RALYL: variants seen among roughly 807,000 people sequenced by gnomAD.
RALYL encodes the protein RNA-binding Raly-like protein.
In RALYL, 29 loss-of-function variants were observed where a neutral mutation model predicts 35.1. That is an observed-to-expected ratio of 0.83 (90% CI 0.61 to 1.13). The LOEUF is 1.13. Ranked by LOEUF, RALYL falls within the 50% of genes most tolerant of loss-of-function variation. The pLI is 0.00. For missense variants in RALYL, 359 were observed against 360.4 expected (o/e 1.00, Z 0.03); for synonymous variants, 120 against 127.6 (o/e 0.94, Z 0.40).
At chr8:84,836,564 G>C (rs1046850716) in intron 4 of RALYL, among the ~76,000 whole-genome samples, 1 of 152,288 alleles carries the variant, frequency 6.6e-6, no homozygotes, top group South Asian at 2.1e-4. Context: ...GTGTGCATAC[G>C]TATTGGTGAC....
intron 1 of RALYL, among the ~76,000 whole-genome samples, chr8:84,261,211 C>A (rs28378543): frequency 6.6e-6 from 1 of 151,622 alleles, no homozygotes; most frequent in African/African-American, 2.4e-5. Flanking sequence ...TATAAATTAT[C>A]TCAGCAAAAT....
chr8:84,556,071 A>T (rs2061095947), intron 2 of RALYL, among the ~76,000 whole-genome samples: 1 of 152,242 alleles, frequency 6.6e-6, no homozygotes, highest in Non-Finnish European at 1.5e-5. Flanking sequence ...TATCATGTAC[A>T]TTTGCAGGAA....
intron 1 of RALYL, among the ~76,000 whole-genome samples, chr8:84,382,253 T>C: frequency 6.7e-6 from 1 of 149,870 alleles, no homozygotes; most frequent in Non-Finnish European, 1.5e-5. Context: ...AAAACTGCAG[T>C]GAGGTTCTTT....
intron 1 of RALYL, among the ~76,000 whole-genome samples, chr8:84,509,190 A>G (rs2057408164): frequency 1.3e-5 from 2 of 152,192 alleles, no homozygotes; most frequent in Non-Finnish European, 2.9e-5. Context: ...TCTTTGATGT[A>G]TAGACCACTT....
intron 7 of RALYL, among the ~76,000 whole-genome samples, chr8:84,876,520 C>T (rs770822213): frequency 7.9e-5 from 12 of 151,786 alleles, no homozygotes; most frequent in Non-Finnish European, 1.3e-4. Flanking sequence ...ACATGCTTTA[C>T]GCAAAGATGT....
At chr8:84,278,223 G>T (rs1835802192) in intron 1 of RALYL, among the ~76,000 whole-genome samples, 1 of 152,212 alleles carries the variant, frequency 6.6e-6, no homozygotes, top group Admixed American at 6.5e-5. Context: ...GTAAACCAGG[G>T]CTTGGGGCTT....
chr8:84,739,485 T>G (rs1847896539), intron 2 of RALYL, among the ~76,000 whole-genome samples: 1 of 151,890 alleles, frequency 6.6e-6, no homozygotes, highest in Non-Finnish European at 1.5e-5. Context: ...GGATAAATGG[T>G]TCCACCTACA....
chr8:84,512,563 T>C (rs1587886811), intron 1 of RALYL, among the ~76,000 whole-genome samples: 1 of 152,292 alleles, frequency 6.6e-6, no homozygotes, highest in East Asian at 1.9e-4. Context: ...AGTTTTGTTT[T>C]TGTTGCCTGT....
intron 7 of RALYL, among the ~76,000 whole-genome samples, chr8:84,873,862 A>T (rs922147093): frequency 4.6e-5 from 7 of 152,192 alleles, no homozygotes; most frequent in African/African-American, 1.7e-4. Context: ...AAGTTCAGGA[A>T]CATCAAGACT....
At chr8:84,865,472 A>G (rs566789830) in intron 6 of RALYL, among the ~76,000 whole-genome samples, 1 of 152,330 alleles carries the variant, frequency 6.6e-6, no homozygotes, top group African/African-American at 2.4e-5. Context: ...TAATGTCATA[A>G]TTTACCAAAA....
chr8:84,737,565 G>T (rs1847539405), intron 2 of RALYL, among the ~76,000 whole-genome samples: 1 of 151,886 alleles, frequency 6.6e-6, no homozygotes, highest in East Asian at 1.9e-4. Context: ...AAGATAATTA[G>T]CCTAACTTTA....
At chr8:84,301,001 G>A (rs775825624) in intron 1 of RALYL, among the ~76,000 whole-genome samples, 4 of 152,040 alleles carry the variant, frequency 2.6e-5, no homozygotes, top group Non-Finnish European at 5.9e-5. Context: ...GTATGTAAGT[G>A]TGTTTTTGGT....
chr8:84,733,057 A>G (rs1274306982), intron 2 of RALYL, among the ~76,000 whole-genome samples: 1 of 152,076 alleles, frequency 6.6e-6, no homozygotes, highest in Non-Finnish European at 1.5e-5. Flanking sequence ...GCCCAGAGTC[A>G]GATATTAGTT....
chr8:84,616,457 A>G (rs1397749819), intron 2 of RALYL, among the ~76,000 whole-genome samples: 3 of 147,542 alleles, frequency 2.0e-5, no homozygotes, highest in Non-Finnish European at 4.5e-5. Context: ...TTTTCTTGTA[A>G]ATTTGTTTGA....
At chr8:84,792,829 A>G (rs1465176445) in intron 3 of RALYL, among the ~76,000 whole-genome samples, 1 of 152,072 alleles carries the variant, frequency 6.6e-6, no homozygotes, top group Non-Finnish European at 1.5e-5. Context: ...AGCTGTTTGT[A>G]CTCTTCAAAC....
chr8:84,717,262 C>T (rs143143114), intron 2 of RALYL, among the ~76,000 whole-genome samples: 1 of 152,194 alleles, frequency 6.6e-6, no homozygotes, highest in East Asian at 1.9e-4. Flanking sequence ...GAAATTAGAA[C>T]CATATTAAGT....
chr8:84,426,913 TA>T, intron 1 of RALYL, among the ~76,000 whole-genome samples: 1 of 152,148 alleles, frequency 6.6e-6, no homozygotes. Context: ...CTAAATAAAT[TA>T]AAAATGGAAC....
At chr8:84,911,642 G>A (rs1412202356) in intron 8 of RALYL, among the ~76,000 whole-genome samples, 1 of 151,976 alleles carries the variant, frequency 6.6e-6, no homozygotes, top group East Asian at 1.9e-4. Flanking sequence ...CGAACCCACA[G>A]GTTAAGGACT....
intron 1 of RALYL, among the ~76,000 whole-genome samples, chr8:84,267,510 G>A (rs981671126): frequency 6.6e-6 from 1 of 151,802 alleles, no homozygotes; most frequent in Non-Finnish European, 1.5e-5. Context: ...TATTCATAAC[G>A]GTGCACACAG....
Sources: gnomAD v4.1 joint callset for allele counts (sites outside exome capture counted in the v4.1 genomes callset) on GRCh38, gnomAD v4.1.1 for gene constraint, MANE v1.5 for transcripts, NCBI Gene and HGNC (gene_info 2026-07-23, HGNC 2026-07-21) for gene names.